The following TRHR variants were observed in gnomAD, a reference collection of about 807,000 sequenced individuals.
TRHR encodes the protein thyrotropin-releasing hormone receptor.
A neutral mutation model predicts 28.0 loss-of-function variants in TRHR; 14 were observed. That is an observed-to-expected ratio of 0.50 (90% CI 0.33 to 0.78). The LOEUF is 0.78. Ranked by LOEUF, TRHR falls within the 30% of genes least tolerant of loss-of-function variation. TRHR has a pLI of 0.02. For missense variants in TRHR, 438 were observed against 469.5 expected, an observed-to-expected ratio of 0.93 and a Z score of 0.62; for synonymous variants, 176 against 171.9, an observed-to-expected ratio of 1.02 and a Z score of -0.18.
At chr8:109,114,158 TA>T (rs1811881034) in intron 2 of TRHR, among the ~76,000 whole-genome samples, 1 of 152,044 alleles carries the variant, frequency 6.6e-6, no homozygotes, top group South Asian at 2.1e-4. Flanking sequence ...CAGAGTTTGG[TA>T]TCAAAATTTC....
At chr8:109,093,457 G>A (rs1192302067) in intron 2 of TRHR, among the ~76,000 whole-genome samples, 1 of 140,894 alleles carries the variant, frequency 7.1e-6, no homozygotes, top group Admixed American at 7.6e-5. Flanking sequence ...CCAGGCTGGA[G>A]TGCAGTGGTG....
intron 2 of TRHR, among the ~76,000 whole-genome samples, chr8:109,118,018 G>A (rs980529918): frequency 2.6e-5 from 4 of 151,898 alleles, no homozygotes; most frequent in African/African-American, 9.7e-5. Flanking sequence ...CTTACTTCCT[G>A]TGCATTGCTT....
intron 2 of TRHR, among the ~76,000 whole-genome samples, chr8:109,096,443 C>A (rs1271963183): frequency 2.0e-5 from 3 of 152,330 alleles, no homozygotes; most frequent in Admixed American, 2.0e-4. Flanking sequence ...TAATTGGTAG[C>A]ATGTCTTCCC....
rs1812005509 is a variant in TRHR, at chr8:109,121,421, A to AT, written c.*1967dup. Among the ~76,000 whole-genome samples the AT allele has an allele frequency of 1.3e-5, 2 of 151,722 alleles. No individual in the cohort carries two copies. The highest frequency in any genetic ancestry group is 1.3e-4 in the Admixed American group (2 of 15,172). ...GACCTAATATCATTGAGCATCGACT[A>AT]TGTCTCAGGTATGCTGGTAGGTAGT... On this transcript the variant is annotated 3_prime_UTR_variant, in exon 3 of 3. Coordinates refer to ENST00000518632, the MANE Select transcript of TRHR (RefSeq NM_003301.7).
At chr8:109,103,467 G>A (rs977569360) in intron 2 of TRHR, among the ~76,000 whole-genome samples, 7 of 152,128 alleles carry the variant, frequency 4.6e-5, no homozygotes, top group Non-Finnish European at 7.4e-5. Context: ...TAATAAACAG[G>A]ATCGATCAAG....
chr8:109,100,586 A>G (rs1381011653), intron 2 of TRHR, among the ~76,000 whole-genome samples: 1 of 152,222 alleles, frequency 6.6e-6, no homozygotes, highest in Non-Finnish European at 1.5e-5. Context: ...TTAAAAACAT[A>G]CTAAATGTCA....
intron 2 of TRHR, among the ~76,000 whole-genome samples, chr8:109,107,065 A>G (rs1247611430): frequency 1.3e-5 from 2 of 152,180 alleles, no homozygotes; most frequent in Admixed American, 1.3e-4. Context: ...TTAATGTCTC[A>G]GAATCTGTTT....
intron 2 of TRHR, among the ~76,000 whole-genome samples, chr8:109,115,955 G>T (rs1811915316): frequency 6.6e-6 from 1 of 151,726 alleles, no homozygotes; most frequent in Admixed American, 6.6e-5. Context: ...GTCATAAATA[G>T]CTCTTATTGA....
Position 109,087,449 on chromosome 8 carries a change from G to A in TRHR, c.-64G>A. ...GGGGGATGGAACTGCTGCAATAAAG[G>A]TGGGCGCTGGAAAGAAGATGTTTTG... On this transcript the variant is annotated 5_prime_UTR_variant, in exon 2 of 3. In the 5' UTR this introduces an upstream ATG that the reference lacks. Coordinates refer to ENST00000518632, the MANE Select transcript of TRHR (RefSeq NM_003301.7). 6.3e-7 allele frequency: 1 copy of A among 1,576,416 alleles called. No homozygotes were observed. Among genetic ancestry groups the A allele is most frequent in the Admixed American group, 1.7e-5 (1 of 59,584 alleles).
intron 2 of TRHR, among the ~76,000 whole-genome samples, chr8:109,088,941 G>T (rs1811483607): frequency 6.6e-6 from 1 of 152,022 alleles, no homozygotes; most frequent in Non-Finnish European, 1.5e-5. Flanking sequence ...ACAACATCAA[G>T]CTCAATTTTT....
intron 2 of TRHR, among the ~76,000 whole-genome samples, chr8:109,100,915 C>T (rs1811670331): frequency 6.6e-6 from 1 of 152,070 alleles, no homozygotes; most frequent in Non-Finnish European, 1.5e-5. Flanking sequence ...AGAAATAACA[C>T]AATCAGTCCA....
At chr8:109,113,669 G>C (rs532789970) in intron 2 of TRHR, among the ~76,000 whole-genome samples, 1 of 152,190 alleles carries the variant, frequency 6.6e-6, no homozygotes, top group East Asian at 1.9e-4. Flanking sequence ...TGCAAGGGGT[G>C]AATAATAGAA....
intron 2 of TRHR, among the ~76,000 whole-genome samples, chr8:109,107,306 G>A (rs561606456): frequency 6.6e-6 from 1 of 152,058 alleles, no homozygotes; most frequent in Non-Finnish European, 1.5e-5. Context: ...GTCTTTTATT[G>A]AGAACCATAC....
intron 2 of TRHR, among the ~76,000 whole-genome samples, chr8:109,118,701 T>G (rs1811955751): frequency 1.3e-5 from 2 of 151,738 alleles, no homozygotes; most frequent in South Asian, 4.1e-4. Flanking sequence ...TACACAGGAG[T>G]TAAAGTCCTT....
chr8:109,118,081 C>G (rs1161573731), intron 2 of TRHR, among the ~76,000 whole-genome samples: 1 of 151,902 alleles, frequency 6.6e-6, no homozygotes, highest in Non-Finnish European at 1.5e-5. Flanking sequence ...TGCTTTCTCT[C>G]TCTTTCACTT....
At chr8:109,110,001 C>A (rs902189290) in intron 2 of TRHR, among the ~76,000 whole-genome samples, 10 of 152,170 alleles carry the variant, frequency 6.6e-5, no homozygotes, top group Admixed American at 1.3e-4. Context: ...TTTATGTCAT[C>A]CTGTAACTCC....
chr8:109,106,102 GC>G (rs2129912537), intron 2 of TRHR, among the ~76,000 whole-genome samples: 1 of 152,210 alleles, frequency 6.6e-6, no homozygotes, highest in Non-Finnish European at 1.5e-5. Flanking sequence ...TAAACTAGCA[GC>G]TAGTGCATCC....
chr8:109,097,944 C>A (rs919532576), intron 2 of TRHR, among the ~76,000 whole-genome samples: 2 of 152,064 alleles, frequency 1.3e-5, no homozygotes, highest in African/African-American at 4.8e-5. Context: ...TCAAAATTCC[C>A]TACTGTCCTC....
chr8:109,107,817 A>G (rs1811774087), intron 2 of TRHR, among the ~76,000 whole-genome samples: 1 of 152,208 alleles, frequency 6.6e-6, no homozygotes, highest in Non-Finnish European at 1.5e-5. Context: ...CTTGTAATGA[A>G]TCCTCATGCA....
Sources: gnomAD v4.1 joint callset for allele counts (sites outside exome capture counted in the v4.1 genomes callset) on GRCh38, gnomAD v4.1.1 for gene constraint, MANE v1.5 for transcripts, NCBI Gene and HGNC (gene_info 2026-07-23, HGNC 2026-07-21) for gene names.